PDE8B: variants seen among roughly 807,000 people sequenced by gnomAD.
The protein encoded by PDE8B is phosphodiesterase 8B.
PDE8B carries 26 observed loss-of-function variants against 101.3 expected under a neutral mutation model. The observed-to-expected ratio is 0.26, with a 90% CI of 0.19 to 0.36. The LOEUF (loss-of-function observed/expected upper bound fraction) is 0.36, where lower values mean the gene tolerates loss of function less well. Ranked by LOEUF, PDE8B falls within the 10% of genes least tolerant of loss-of-function variation. PDE8B has a pLI of 1.00. For missense variants in PDE8B, 810 were observed against 1,163.1 expected (o/e 0.70, Z 4.42); for synonymous variants, 424 against 429.3 (o/e 0.99, Z 0.15).
chr5:77,416,776 C>T (rs1242592942), intron 17 of PDE8B, among the ~76,000 whole-genome samples: 5 of 152,166 alleles, frequency 3.3e-5, no homozygotes, highest in Non-Finnish European at 7.3e-5. Flanking sequence ...GCTACAGGTT[C>T]ACCTTCCTCA....
chr5:77,412,033 TGACA>T, intron 15 of PDE8B, 63 bp from the exon 16 acceptor site: 1 of 1,543,884 alleles, frequency 6.5e-7, no homozygotes, highest in Non-Finnish European at 8.9e-7. Context: ...ATGAAGATGA[TGACA>T]GACACCCGGG....
the PDE8B span, among the ~76,000 whole-genome samples, chr5:77,201,788 A>G: frequency 6.6e-6 from 1 of 151,958 alleles, no homozygotes; most frequent in African/African-American, 2.4e-5. Flanking sequence ...CATCTACTCA[A>G]TGTCTCTGTA....
At chr5:77,321,298 T>C (rs1022199365) in intron 2 of PDE8B, among the ~76,000 whole-genome samples, 1 of 152,012 alleles carries the variant, frequency 6.6e-6, no homozygotes, top group African/African-American at 2.4e-5. Context: ...ATTACAGGCA[T>C]GCACCACCAC....
At chr5:77,169,629 A>G in the PDE8B span, among the ~76,000 whole-genome samples, 2 of 152,200 alleles carry the variant, frequency 1.3e-5, no homozygotes, top group Non-Finnish European at 2.9e-5. Flanking sequence ...GGGAATGGAA[A>G]GATCAGCATG....
chr5:77,101,815 T>C, the PDE8B span, among the ~76,000 whole-genome samples: 1 of 152,050 alleles, frequency 6.6e-6, no homozygotes, highest in Non-Finnish European at 1.5e-5. Flanking sequence ...CTTAGGGTAG[T>C]CAAATTTATA....
At chr5:77,415,351 ATTTTTTTT>A (rs71606293) in intron 17 of PDE8B, among the ~76,000 whole-genome samples, 4 of 88,736 alleles carry the variant, frequency 4.5e-5, no homozygotes, top group Admixed American at 2.6e-4. Flanking sequence ...ATAAGCTAAA[ATTTTTTTT>A]TTTTTTTTTT....
chr5:77,394,519 C>T (rs1048154542), intron 10 of PDE8B, among the ~76,000 whole-genome samples: 8 of 152,246 alleles, frequency 5.3e-5, no homozygotes, highest in Admixed American at 4.6e-4. Context: ...GAATTTATCC[C>T]TACAAGCACT....
At chr5:77,092,097 T>G in the PDE8B span, among the ~76,000 whole-genome samples, 1 of 152,222 alleles carries the variant, frequency 6.6e-6, no homozygotes, top group Non-Finnish European at 1.5e-5. Flanking sequence ...AATCAAGGCT[T>G]GAAAAAGAGT....
rs770486541 is a variant in PDE8B at position 77,253,775 on chromosome 5, G to A, written c.339+42511G>A. Among the ~76,000 whole-genome samples the A allele has an allele frequency of 3.3e-5, 5 of 152,026 alleles. No individual in the cohort carries two copies. The East Asian group carries it at 9.7e-4, about 29-fold the overall frequency. On this transcript the variant is annotated intron_variant, in intron 1 of 21. Coordinates refer to ENST00000264917, the MANE Select transcript of PDE8B (RefSeq NM_003719.5). Reference sequence around the variant, plus strand: ...AACCTTACAAAGAGGGCAACCTTAGGTGATATCATTGGTCACAAATGCATT... The same window carrying A: ...AACCTTACAAAGAGGGCAACCTTAGATGATATCATTGGTCACAAATGCATT...
the PDE8B span, chr5:77,141,282 C>A: frequency 6.6e-6 from 1 of 152,110 alleles, no homozygotes; most frequent in African/African-American, 2.4e-5. Flanking sequence ...ATACTATAAA[C>A]AAGGTAGATT....
At chr5:77,309,236 A>T (rs912553475) in intron 1 of PDE8B, among the ~76,000 whole-genome samples, 1 of 7,070 alleles carries the variant, frequency 1.4e-4, no homozygotes, top group East Asian at 3.3e-3. Flanking sequence ...GAGGGGAGGG[A>T]GGGGTGGGGA....
intron 10 of PDE8B, among the ~76,000 whole-genome samples, chr5:77,357,357 C>A (rs1279740661): frequency 6.6e-6 from 1 of 152,200 alleles, no homozygotes; most frequent in Non-Finnish European, 1.5e-5. Context: ...ACCCTTTAGC[C>A]ATGGGTTGAG....
At chr5:77,086,801 TTAATAAA>T in the PDE8B span, 3 of 152,094 alleles carry the variant, frequency 2.0e-5, no homozygotes, top group African/African-American at 7.2e-5. Flanking sequence ...TCAGACAACT[TTAATAAA>T]GGGAGAGCAG....
chr5:77,256,475 A>T (rs1276597841), intron 1 of PDE8B, among the ~76,000 whole-genome samples: 1 of 152,198 alleles, frequency 6.6e-6, no homozygotes, highest in Admixed American at 6.5e-5. Context: ...ATATCCATAG[A>T]TTTGCCATTA....
chr5:77,421,585 T>C (rs1423062935), intron 19 of PDE8B, among the ~76,000 whole-genome samples: 1 of 137,666 alleles, frequency 7.3e-6, no homozygotes, highest in African/African-American at 2.5e-5. Context: ...CTTTCAACTT[T>C]CAAACTCTGT....
chr5:77,175,902 T>C, the PDE8B span, among the ~76,000 whole-genome samples: 4 of 152,162 alleles, frequency 2.6e-5, no homozygotes, highest in Admixed American at 1.3e-4. Flanking sequence ...CTTGTTAGCA[T>C]CATCAACATC....
At chr5:77,128,268 G>A in the PDE8B span, among the ~76,000 whole-genome samples, 1 of 152,152 alleles carries the variant, frequency 6.6e-6, no homozygotes, top group Admixed American at 6.6e-5. Flanking sequence ...AAGCTGTGAT[G>A]GGAATGATGA....
At chr5:77,212,323 A>G (rs1748634344) in intron 1 of PDE8B, among the ~76,000 whole-genome samples, 1 of 152,220 alleles carries the variant, frequency 6.6e-6, no homozygotes, top group South Asian at 2.1e-4. Flanking sequence ...TCAAAGACAC[A>G]TTTGTATTTT....
intron 1 of PDE8B, chr5:77,291,734 GAGA>G (rs1767396225): frequency 1.3e-6 from 2 of 1,591,360 alleles, no homozygotes; most frequent in Non-Finnish European, 1.7e-6. Context: ...AACAGTACAT[GAGA>G]AGGTCTACTT....
Sources: gnomAD v4.1 joint callset for allele counts (sites outside exome capture counted in the v4.1 genomes callset) on GRCh38, gnomAD v4.1.1 for gene constraint, MANE v1.5 for transcripts, NCBI Gene and HGNC (gene_info 2026-07-23, HGNC 2026-07-21) for gene names.